The following ADD2 variants were observed in gnomAD, a reference collection of about 807,000 sequenced individuals.
ADD2 encodes the protein adducin 2, also known as beta-adducin.
A neutral mutation model predicts 83.0 loss-of-function variants in ADD2; 23 were observed. That is an observed-to-expected ratio of 0.28 (90% CI 0.20 to 0.39). ADD2 has a LOEUF of 0.39. Among genes scored for constraint, ADD2 ranks in the 10% least tolerant of loss-of-function variants. ADD2 has a pLI of 1.00. For synonymous variants in ADD2, 375 were observed against 375.4 expected (o/e 1.00, Z 0.01); for missense variants, 758 against 944.9 (o/e 0.80, Z 2.59).
intron 15 of ADD2, among the ~76,000 whole-genome samples, chr2:70,672,258 C>G (rs1669926008): frequency 6.6e-6 from 1 of 152,194 alleles, no homozygotes; most frequent in Non-Finnish European, 1.5e-5. Flanking sequence ...GCTAGTAGCT[C>G]TCTATTGAAG....
chr2:70,740,042 T>C (rs782299507), intron 1 of ADD2, among the ~76,000 whole-genome samples: 10 of 151,930 alleles, frequency 6.6e-5, no homozygotes, highest in Non-Finnish European at 1.5e-5. Context: ...AAAACTAAAA[T>C]AGATAATAAA....
chr2:70,723,675 C>T (rs1362845030), intron 1 of ADD2, among the ~76,000 whole-genome samples: 1 of 152,166 alleles, frequency 6.6e-6, no homozygotes, highest in Admixed American at 6.5e-5. Flanking sequence ...GTGAGAATGT[C>T]TGGACTGGGT....
intron 9 of ADD2, among the ~76,000 whole-genome samples, chr2:70,685,561 A>G (rs1217727449): frequency 6.6e-6 from 1 of 152,002 alleles, no homozygotes; most frequent in East Asian, 1.9e-4. Flanking sequence ...CCACTTACCA[A>G]CTGTGTGACT....
At chr2:70,694,039 T>A (rs1322426681) in intron 6 of ADD2, among the ~76,000 whole-genome samples, 2 of 152,174 alleles carry the variant, frequency 1.3e-5, no homozygotes, top group African/African-American at 4.8e-5. Flanking sequence ...TTTCACCCTC[T>A]CTTCTCTTCC....
At chr2:70,732,298 C>T (rs1433422580) in intron 1 of ADD2, among the ~76,000 whole-genome samples, 4 of 151,970 alleles carry the variant, frequency 2.6e-5, no homozygotes, top group African/African-American at 9.7e-5. Context: ...TCCTAAAGCT[C>T]GTCTACACAG....
chr2:70,675,254 G>T (rs1459383578), intron 13 of ADD2: 1 of 1,003,240 alleles, frequency 1.0e-6, no homozygotes, highest in Non-Finnish European at 1.2e-6. Flanking sequence ...TGCCCTCCCC[G>T]CCCCCACAGC....
intron 1 of ADD2, among the ~76,000 whole-genome samples, chr2:70,731,734 G>C (rs889423642): frequency 1.3e-5 from 2 of 152,184 alleles, no homozygotes; most frequent in African/African-American, 2.4e-5. Context: ...CTGGAGAAAA[G>C]ACAAATCCCT....
intron 15 of ADD2, among the ~76,000 whole-genome samples, chr2:70,667,416 G>A (rs1669682136): frequency 6.6e-6 from 1 of 152,168 alleles, no homozygotes; most frequent in African/African-American, 2.4e-5. Context: ...GGGGGCTTCT[G>A]TGGGAGGCGC....
At chr2:70,716,914 C>T (rs113342338) in intron 1 of ADD2, among the ~76,000 whole-genome samples, 3,452 of 152,272 alleles carry the variant, frequency 0.023, 72 homozygotes, top group Admixed American at 0.06. Flanking sequence ...GCAACTCTTA[C>T]ATTAACAAAT....
Position 70,677,785 on chromosome 2 carries a change from G to A in ADD2, c.1476C>T (p.Pro492=). The A allele has an allele frequency of 6.2e-7, 1 of 1,614,206 alleles. No individual in the cohort carries two copies. Among genetic ancestry groups the A allele is most frequent in the Non-Finnish European group, 8.5e-7 (1 of 1,180,044 alleles). ...TGTTCCTCATCTCCAGTACTTCCTG[G>A]GGGTCAGTATAGAGAGGCACAAATT... ...PNQFVPLYTD[P]QEVLEMRNKI... is the part of the protein sequence containing the mutation. Residue 492 remains proline, a synonymous_variant, in exon 12 of 16, where the codon CCC becomes CCT. Transcript: ENST00000264436.
intron 9 of ADD2, among the ~76,000 whole-genome samples, chr2:70,684,234 T>A (rs1670605117): frequency 6.6e-6 from 1 of 152,028 alleles, no homozygotes; most frequent in South Asian, 2.1e-4. Flanking sequence ...TTTCTGTATG[T>A]TTGAAATATC....
At chr2:70,674,934 G>T in intron 13 of ADD2, 109 bp from the exon 14 acceptor site, 2 of 1,462,464 alleles carry the variant, frequency 1.4e-6, no homozygotes, top group Admixed American at 4.6e-5. Flanking sequence ...GCTAGGGACA[G>T]CGTGGCATGC....
intron 11 of ADD2, 120 bp from the exon 12 acceptor site, chr2:70,677,997 T>G: frequency 7.5e-7 from 1 of 1,336,724 alleles, no homozygotes; most frequent in Non-Finnish European, 1.0e-6. Context: ...AGCCTACTCA[T>G]AGACACTCTC....
At chr2:70,695,664 CAG>C (rs1161159800) in intron 6 of ADD2, 55 bp downstream of exon 6, 16 of 1,526,002 alleles carry the variant, frequency 1.0e-5, no homozygotes, top group South Asian at 5.7e-5. Context: ...ACTGTGGGAA[CAG>C]AGAGAGTGCT....
chr2:70,682,023 C>A (rs1670479570), intron 10 of ADD2, among the ~76,000 whole-genome samples: 1 of 152,022 alleles, frequency 6.6e-6, no homozygotes, highest in Non-Finnish European at 1.5e-5. Context: ...CTGGACAGAT[C>A]AAAAGTTTTT....
At chr2:70,708,045 C>T (rs1553374832) in intron 2 of ADD2, among the ~76,000 whole-genome samples, 1 of 152,222 alleles carries the variant, frequency 6.6e-6, no homozygotes, top group East Asian at 1.9e-4. Flanking sequence ...TTCTTGTTGT[C>T]CCTGAGCTGC....
chr2:70,663,489 T>C lies in ADD2; in HGVS notation c.2117A>G (p.Lys706Arg), dbSNP rs1553365463. 5.6e-6 allele frequency: 9 copies of C among 1,614,112 alleles called. No homozygotes were observed. The highest frequency in any genetic ancestry group is 6.8e-6 in the Non-Finnish European group (8 of 1,180,018). ...GAAGGAGGGGGTTCGGAATTTCTTTTTCTTCTTTGAGGGAGACTTGGAAGG... is the reference window on the plus strand; with the variant it reads ...GAAGGAGGGGGTTCGGAATTTCTTTCTCTTCTTTGAGGGAGACTTGGAAGG... Reference protein sequence around the residue: ...GSPSKSPSKKKKKFRTPSFLK... With the variant: ...GSPSKSPSKKRKKFRTPSFLK... Residue 706 changes from lysine (K) to arginine (R), a missense_variant, in exon 16 of 16, where the codon AAA (lysine) becomes AGA (arginine). Transcript: ENST00000264436.
intron 14 of ADD2, 81 bp from the exon 15 acceptor site, chr2:70,673,087 C>CT (rs1178457162): frequency 2.6e-6 from 4 of 1,558,476 alleles, no homozygotes; most frequent in Admixed American, 3.8e-5. Context: ...TTAAAAATTA[C>CT]TTTTTTCTAT....
At chr2:70,686,833 A>G (rs868933870) in intron 9 of ADD2, among the ~76,000 whole-genome samples, 45 of 152,098 alleles carry the variant, frequency 3.0e-4, no homozygotes, top group African/African-American at 1.1e-3. Context: ...CTAATACTTC[A>G]TCATTATCTT....
Sources: allele counts gnomAD v4.1 joint callset (sites outside exome capture counted in the v4.1 genomes callset), GRCh38; gene constraint gnomAD v4.1.1; transcripts MANE v1.5; gene names NCBI Gene and HGNC (gene_info 2026-07-23, HGNC 2026-07-21).